ANO10: variants seen among roughly 807,000 people sequenced by gnomAD.
The protein encoded by ANO10 is anoctamin-10.
Under a neutral mutation model 74.7 loss-of-function variants are expected in ANO10, and 77 were observed. The ratio of observed to expected loss-of-function variants is 1.03; its 90% CI spans 0.86 to 1.25. The LOEUF (loss-of-function observed/expected upper bound fraction) is 1.25. Among genes scored for constraint, ANO10 ranks in the 50% most tolerant of loss-of-function variants. The probability of loss-of-function intolerance (pLI) is 0.00; values close to 1 mark genes in which losing one functional copy is unlikely to be tolerated. For missense variants in ANO10, 721 were observed against 778.1 expected, an observed-to-expected ratio of 0.93 and a Z score of 0.87; for synonymous variants, 279 against 284.9, an observed-to-expected ratio of 0.98 and a Z score of 0.21.
At position 43,580,422 on chromosome 3, in the gene ANO10, C is replaced by T. The variant is rs750449971; in HGVS notation, c.523G>A (p.Asp175Asn). The change falls in exon 5 of 13, where the codon GAC (aspartate) becomes AAC (asparagine). Residue 175 changes from aspartate to asparagine, a missense_variant. Asp to Asn is a conservative substitution (Grantham distance 23). Transcript: ENST00000292246. ...GIVIQVFPLH[D>N]SEALKKLEDT... ...TCAAGCTTCTTCAGGGCTTCACTGT[C>T]ATGCAGTGGAAACACCTGAATCACG... 4 of 1,613,954 alleles carry T rather than the reference C, an allele frequency of 2.5e-6. No individual in the cohort carries two copies. The highest frequency in any genetic ancestry group is 3.3e-5 in the Admixed American group (2 of 60,018).
chr3:43,549,134 G>A (rs1044812048), intron 11 of ANO10, among the ~76,000 whole-genome samples: 8 of 151,070 alleles, frequency 5.3e-5, no homozygotes, highest in Non-Finnish European at 7.4e-5. Flanking sequence ...ACAGTGTCTC[G>A]CTCTGTTGCC....
rs566942772 is a variant in ANO10 at position 43,374,548 on chromosome 3, C to T, written c.1915-7574G>A. Among the ~76,000 whole-genome samples, 21 of 152,260 alleles carry T rather than the reference C, an allele frequency of 1.4e-4. No homozygotes were observed. The East Asian group carries it at 3.1e-3, about 22-fold the overall frequency. ...CCCCTACCCTGATGTTGGATCTAGA[C>T]GTTTCATTTTTGTACTATAATAATA... On this transcript the variant is annotated intron_variant, in intron 12 of 12. Transcript: ENST00000292246.
At chr3:43,613,914 G>T (rs1378611188) in intron 1 of ANO10, among the ~76,000 whole-genome samples, 3 of 152,162 alleles carry the variant, frequency 2.0e-5, no homozygotes, top group Admixed American at 2.0e-4. Context: ...AAGTACAGTA[G>T]CAGGAACCCA....
chr3:43,454,501 C>T (rs1388376755), intron 11 of ANO10, among the ~76,000 whole-genome samples: 1 of 151,098 alleles, frequency 6.6e-6, no homozygotes, highest in Non-Finnish European at 1.5e-5. Flanking sequence ...AAGAAGCACA[C>T]ACAACAAAAC....
intron 12 of ANO10, among the ~76,000 whole-genome samples, chr3:43,396,605 G>GA (rs1353083826): frequency 6.6e-6 from 1 of 152,062 alleles, no homozygotes; most frequent in Non-Finnish European, 1.5e-5. Context: ...CCAAAGTGCT[G>GA]GGATTACAGG....
rs189201445 is a variant in ANO10, at chr3:43,554,060, A to G, written c.1668+1218T>C. 4.8e-3 allele frequency among the ~76,000 whole-genome samples: 729 copies of G among 152,206 alleles called. 6 individuals are homozygous for G. The highest frequency in any genetic ancestry group is 7.9e-3 in the South Asian group (38 of 4,830). On this transcript the variant is annotated intron_variant, in intron 10 of 12. Transcript: ENST00000292246. ...CATAATTACTCATTGAAACTTTTATATAAGGCTGTTTTAAAATCTCTGTCC... is the reference window on the plus strand; with the variant it reads ...CATAATTACTCATTGAAACTTTTATGTAAGGCTGTTTTAAAATCTCTGTCC...
intron 11 of ANO10, chr3:43,485,631 C>T: frequency 5.0e-6 from 1 of 198,224 alleles, no homozygotes; most frequent in South Asian, 8.3e-5. Context: ...CCCCCAGTAA[C>T]ATTAGCGCAG....
intron 11 of ANO10, among the ~76,000 whole-genome samples, chr3:43,477,906 C>A (rs574067711): frequency 7.4e-4 from 112 of 152,298 alleles, no homozygotes; most frequent in African/African-American, 2.6e-3. Flanking sequence ...ACACCAGAGG[C>A]ACACATAGGG....
chr3:43,631,981 G>A (rs973237652), intron 1 of ANO10, among the ~76,000 whole-genome samples: 1 of 151,100 alleles, frequency 6.6e-6, no homozygotes, highest in African/African-American at 2.4e-5. Context: ...GCTGAGGCAG[G>A]AGAATTGCTT....
chr3:43,522,214 T>C (rs1359981480), intron 11 of ANO10, among the ~76,000 whole-genome samples: 1 of 152,088 alleles, frequency 6.6e-6, no homozygotes, highest in African/African-American at 2.4e-5. Context: ...GTTTTGGAAA[T>C]TGATAGTGGT....
At chr3:43,551,459 T>C (rs2079454438) in intron 10 of ANO10, 1 of 456,292 alleles carries the variant, frequency 2.2e-6, no homozygotes, top group Non-Finnish European at 4.4e-6. Flanking sequence ...TACCTTTTGA[T>C]AGGTGTATTT....
At chr3:43,382,487 C>T (rs551961553) in intron 12 of ANO10, among the ~76,000 whole-genome samples, 176 of 150,200 alleles carry the variant, frequency 1.2e-3, no homozygotes, top group Non-Finnish European at 2.0e-3. Context: ...CCACTGCACT[C>T]CAGCCTGGGC....
rs192577818 is a variant in ANO10, at chr3:43,553,491, T to C, written c.1668+1787A>G. 8.5e-5 allele frequency among the ~76,000 whole-genome samples: 13 copies of C among 152,178 alleles called. No homozygotes were observed. The East Asian group carries it at 1.9e-3, about 23-fold the overall frequency. ...CCACAGGTCCCTGAGGCTATGTTTG[T>C]GCTTACAGAATATTTTCTCTCTGTT... is the stretch of plus-strand genomic sequence containing the variant. On this transcript the variant is annotated intron_variant, in intron 10 of 12. Transcript: ENST00000292246.
chr3:43,382,817 T>C (rs2092006282), intron 12 of ANO10, among the ~76,000 whole-genome samples: 1 of 152,056 alleles, frequency 6.6e-6, no homozygotes, highest in Admixed American at 6.5e-5. Context: ...CCTCCTAGTT[T>C]AAACGAGGGA....
chr3:43,529,833 T>C (rs1007887522), intron 11 of ANO10, among the ~76,000 whole-genome samples: 2 of 152,082 alleles, frequency 1.3e-5, no homozygotes, highest in African/African-American at 4.8e-5. Flanking sequence ...CTTTCCTAAA[T>C]ACTTGCTCCC....
intron 1 of ANO10, among the ~76,000 whole-genome samples, chr3:43,611,561 T>G (rs1321140147): frequency 1.3e-5 from 2 of 152,220 alleles, no homozygotes; most frequent in Non-Finnish European, 2.9e-5. Context: ...CTCTCAGTTA[T>G]GTGACCTTAT....
chr3:43,485,145 G>T, intron 11 of ANO10: 1 of 793,468 alleles, frequency 1.3e-6, no homozygotes, highest in Non-Finnish European at 2.2e-6. Flanking sequence ...GATCTGGATG[G>T]AGTGGGCCCT....
chr3:43,471,896 T>C (rs1428545609), intron 11 of ANO10, among the ~76,000 whole-genome samples: 1 of 152,214 alleles, frequency 6.6e-6, no homozygotes, highest in African/African-American at 2.4e-5. Context: ...CATGGCTACT[T>C]TATCAGTGAA....
Position 43,561,322 on chromosome 3 carries a change from C to A in ANO10, c.1374G>T (p.Lys458Asn), listed in dbSNP as rs766039647. 2 of 1,614,174 alleles carry A rather than the reference C, an allele frequency of 1.2e-6. No homozygotes were observed. The highest frequency in any genetic ancestry group is 2.2e-5 in the South Asian group (2 of 91,080). The change falls in exon 9 of 13, where the codon AAG becomes AAT. Residue 458 changes from lysine (K) to asparagine (N), a missense_variant. Lys to Asn is a moderately conservative substitution (Grantham distance 94). Transcript: ENST00000292246. ...ESFLPYWLQR[K>N]HGVRVKRKVQ... ...CCTTCCTCTTCACCCGCACACCATG[C>A]TTCCTTTGGAGCCAATAAGGAAGAA... is the stretch of plus-strand genomic sequence containing the variant.
Sources: allele counts gnomAD v4.1 joint callset (sites outside exome capture counted in the v4.1 genomes callset), GRCh38; gene constraint gnomAD v4.1.1; transcripts MANE v1.5; gene names NCBI Gene and HGNC (gene_info 2026-07-23, HGNC 2026-07-21).